The following KIF1B variants were observed in gnomAD, a reference collection of about 807,000 sequenced individuals.
KIF1B encodes the protein kinesin family member 1B.
Under a neutral mutation model 241.9 loss-of-function variants are expected in KIF1B, and 76 were observed. The ratio of observed to expected loss-of-function variants is 0.31; its 90% CI spans 0.26 to 0.38. The LOEUF (loss-of-function observed/expected upper bound fraction) is 0.38, where lower values mean the gene tolerates loss of function less well. KIF1B is among the 10% of genes least tolerant of loss of function. The pLI is 1.00. For missense variants in KIF1B, 1,622 were observed against 2,271.4 expected (o/e 0.71, Z 5.81); for synonymous variants, 750 against 796.7 (o/e 0.94, Z 0.99).
In KIF1B at chr1:10,337,005, G is replaced by A; in HGVS notation, c.3130-69G>A. 1 of 1,599,566 alleles carries A rather than the reference G, an allele frequency of 6.3e-7. No individual in the cohort carries two copies. The highest frequency in any genetic ancestry group is 8.6e-7 in the Non-Finnish European group (1 of 1,168,510). ...TTATTTGTTGGACAGATAAACAGAA[G>A]TAAGGCAACTGGGGAAAAATACGTT... On this transcript the variant is annotated intron_variant, in intron 29 of 48. Coordinates refer to ENST00000676179, the MANE Select transcript of KIF1B (RefSeq NM_001365951.3). This position sits in a 1 kb window ranked among gnomAD's most constrained non-coding sequence, Gnocchi z 4.0.
intron 4 of KIF1B, among the ~76,000 whole-genome samples, chr1:10,259,774 G>GGGA (rs1648020303): frequency 6.6e-6 from 1 of 151,738 alleles, no homozygotes; most frequent in Non-Finnish European, 1.5e-5. Flanking sequence ...TGCAGGGATT[G>GGGA]CAGGCATGAG....
chr1:10,225,122 T>C (rs1317810995), intron 1 of KIF1B, among the ~76,000 whole-genome samples: 2 of 152,088 alleles, frequency 1.3e-5, no homozygotes, highest in Non-Finnish European at 2.9e-5. Flanking sequence ...TGTGGCCTGG[T>C]TTTTAACAGG....
intron 38 of KIF1B, among the ~76,000 whole-genome samples, chr1:10,358,829 T>A (rs1181996156): frequency 6.6e-6 from 1 of 152,224 alleles, no homozygotes; most frequent in African/African-American, 2.4e-5. Flanking sequence ...TATGGACACA[T>A]GAAGGGTTTC....
chr1:10,277,980 AT>A lies in KIF1B; in HGVS notation c.1038-5del, dbSNP rs886044976. On this transcript the variant is annotated splice_region_variant and splice_polypyrimidine_tract_variant and intron_variant, in intron 12 of 48. Coordinates refer to ENST00000676179, the MANE Select transcript of KIF1B (RefSeq NM_001365951.3). Reference sequence around the variant, plus strand: ...TGACAAGAACAAATTTTCTTTTTGGATCTAGATATGCAGATCGTGCAAAACA... The same window carrying A: ...TGACAAGAACAAATTTTCTTTTTGGACTAGATATGCAGATCGTGCAAAACA... 17 of 1,613,428 alleles carry A rather than the reference AT, an allele frequency of 1.1e-5. No individual in the cohort carries two copies. Among genetic ancestry groups the A allele is most frequent in the Admixed American group, 1.7e-5 (1 of 59,994 alleles).
chr1:10,326,241 G>A lies in KIF1B; in HGVS notation c.2806G>A (p.Asp936Asn). ...EQQDEMEDFDDEAFVDDAGSD... is the reference protein window; with the variant it reads ...EQQDEMEDFDNEAFVDDAGSD... ...GCAAGATGAGATGGAGGATTTTGATGATGAGGCATTCGTGGATGACGCCGG... is the reference window on the plus strand; with the variant it reads ...GCAAGATGAGATGGAGGATTTTGATAATGAGGCATTCGTGGATGACGCCGG... Residue 936 changes from aspartate (D) to asparagine (N), a missense_variant, in exon 27 of 49, where the codon GAT becomes AAT. Around this residue, in one of 7 missense-constraint regions of KIF1B, gnomAD observed 803 missense variants for 1,112.0 expected, o/e 0.72. Transcript: ENST00000676179. This position sits in a 1 kb window ranked among gnomAD's most constrained non-coding sequence, Gnocchi z 5.2. 6.2e-7 allele frequency: 1 copy of A among 1,614,178 alleles called. No individual in the cohort carries two copies. Among genetic ancestry groups the A allele is most frequent in the Non-Finnish European group, 8.5e-7 (1 of 1,180,032 alleles).
chr1:10,327,466 A>C (rs1448298072), intron 27 of KIF1B, among the ~76,000 whole-genome samples: 2 of 149,836 alleles, frequency 1.3e-5, no homozygotes, highest in African/African-American at 5.0e-5. Flanking sequence ...GCACAACTGC[A>C]CTCCAGCCTG....
chr1:10,354,941 C>A (rs1019405328), intron 38 of KIF1B, among the ~76,000 whole-genome samples: 8 of 152,172 alleles, frequency 5.3e-5, no homozygotes, highest in Non-Finnish European at 1.2e-4. Context: ...ATGTGTGTAT[C>A]TTAGAGGGCT....
At chr1:10,249,379 T>C (rs1647317073) in intron 2 of KIF1B, among the ~76,000 whole-genome samples, 1 of 152,174 alleles carries the variant, frequency 6.6e-6, no homozygotes, top group South Asian at 2.1e-4. Context: ...TATGTATATA[T>C]TGCACAGCTA....
chr1:10,326,150 C>A lies in KIF1B; in HGVS notation c.2715C>A (p.Ala905=). 1 of 1,614,082 alleles carries A rather than the reference C, an allele frequency of 6.2e-7. No individual in the cohort carries two copies. Among genetic ancestry groups the A allele is most frequent in the Non-Finnish European group, 8.5e-7 (1 of 1,180,008 alleles). Residue 905 remains alanine (A), a synonymous_variant, in exon 27 of 49, where the codon GCC becomes GCA. Coordinates refer to ENST00000676179, the MANE Select transcript of KIF1B (RefSeq NM_001365951.3). The surrounding 1 kb of genome is among the most constrained non-coding windows in gnomAD (Gnocchi z 5.2). The part of the protein sequence containing the change: ...IFHGCVNERL[A]DRTPSPTFST... Reference sequence around the variant, plus strand: ...ACGGCTGTGTGAACGAGCGCCTTGCCGACCGCACACCCTCCCCCACTTTTT... The same window carrying A: ...ACGGCTGTGTGAACGAGCGCCTTGCAGACCGCACACCCTCCCCCACTTTTT...
In KIF1B at chr1:10,210,577, C is replaced by G. The variant is rs1157480711; in HGVS notation, c.-381C>G. Among the ~76,000 whole-genome samples, 1 of 152,054 alleles carries G rather than the reference C, an allele frequency of 6.6e-6. No homozygotes were observed. The highest frequency in any genetic ancestry group is 2.4e-5 in the African/African-American group (1 of 41,430). On this transcript the variant is annotated 5_prime_UTR_variant, in exon 1 of 49. Coordinates refer to ENST00000676179, the MANE Select transcript of KIF1B (RefSeq NM_001365951.3). The surrounding 1 kb of genome is among the most constrained non-coding windows in gnomAD (Gnocchi z 4.1). ...CGAGGGCCGAAGCGGGGCAGTGTGACGGCAGCGGTCCTGGGAGGCGCCCGC... is the reference window on the plus strand; with the variant it reads ...CGAGGGCCGAAGCGGGGCAGTGTGAGGGCAGCGGTCCTGGGAGGCGCCCGC...
At chr1:10,298,821 A>G (rs919406065) in intron 22 of KIF1B, 2 of 152,154 alleles carry the variant, frequency 1.3e-5, no homozygotes, top group Non-Finnish European at 2.9e-5. Context: ...TTACTTATGC[A>G]TATGTATAAG....
intron 38 of KIF1B, among the ~76,000 whole-genome samples, chr1:10,356,822 C>T (rs1440729631): frequency 2.0e-5 from 3 of 151,976 alleles, no homozygotes; most frequent in Non-Finnish European, 4.4e-5. Context: ...ATCGCTTGAA[C>T]CTGGGAGGCG....
At chr1:10,265,065 C>T (rs972980096) in intron 5 of KIF1B, among the ~76,000 whole-genome samples, 1 of 151,764 alleles carries the variant, frequency 6.6e-6, no homozygotes, top group East Asian at 1.9e-4. Context: ...ACCTCCTGGG[C>T]TCAGTGATCG....
chr1:10,314,085 G>A (rs1651197726), intron 22 of KIF1B, among the ~76,000 whole-genome samples: 1 of 150,508 alleles, frequency 6.6e-6, no homozygotes, highest in South Asian at 2.1e-4. Flanking sequence ...TAGAGATGGG[G>A]TTTCACCAGT....
Position 10,365,273 on chromosome 1 carries a change from CAAG to C in KIF1B, c.4512+31_4512+33del, listed in dbSNP as rs1557739554. On this transcript the variant is annotated intron_variant, in intron 42 of 48. Coordinates refer to ENST00000676179, the MANE Select transcript of KIF1B (RefSeq NM_001365951.3). This position sits in a 1 kb window ranked among gnomAD's most constrained non-coding sequence, Gnocchi z 4.0. ...ATCCAGGGGCAGGGTTGTTCAGATGCAAGAACTCTCGGACAAGATTGCCAAAGT... is the reference window on the plus strand; with the variant it reads ...ATCCAGGGGCAGGGTTGTTCAGATGCAACTCTCGGACAAGATTGCCAAAGT... The C allele has an allele frequency of 2.5e-6, 4 of 1,613,466 alleles. No homozygotes were observed. Among genetic ancestry groups the C allele is most frequent in the Non-Finnish European group, 2.5e-6 (3 of 1,179,774 alleles).
intron 22 of KIF1B, among the ~76,000 whole-genome samples, chr1:10,313,825 C>T (rs996648243): frequency 2.6e-5 from 4 of 151,450 alleles, no homozygotes; most frequent in Non-Finnish European, 5.9e-5. Context: ...GTTGAGATTA[C>T]AGGCGTGAGC....
At chr1:10,268,600 A>T (rs975144765) in intron 7 of KIF1B, among the ~76,000 whole-genome samples, 3 of 145,872 alleles carry the variant, frequency 2.1e-5, no homozygotes, top group South Asian at 2.2e-4. Context: ...TTATTACCTT[A>T]TTAGCTGCCT....
chr1:10,330,486 A>C (rs1047369081), intron 27 of KIF1B, among the ~76,000 whole-genome samples: 11 of 151,936 alleles, frequency 7.2e-5, no homozygotes, highest in Admixed American at 4.6e-4. Context: ...CTTTAAAAAA[A>C]AAAAAGGTGG....
At chr1:10,341,738 G>A (rs535958612) in intron 32 of KIF1B, among the ~76,000 whole-genome samples, 13 of 152,270 alleles carry the variant, frequency 8.5e-5, no homozygotes, top group African/African-American at 2.4e-4. Flanking sequence ...GGGAGCTGAG[G>A]CAGAAGGATC....
Sources: gnomAD v4.1 joint callset for allele counts (sites outside exome capture counted in the v4.1 genomes callset) on GRCh38, gnomAD v4.1.1 for gene constraint, gnomAD v4.1.1 regional missense constraint, Gnocchi (gnomAD v3.1) non-coding constraint, MANE v1.5 for transcripts, NCBI Gene and HGNC (gene_info 2026-07-23, HGNC 2026-07-21) for gene names.